The following NEUROD4 variants were observed in gnomAD, a reference collection of about 807,000 sequenced individuals.
NEUROD4 encodes the protein neurogenic differentiation factor 4.
In NEUROD4, 16 loss-of-function variants were observed where a neutral mutation model predicts 19.8. The ratio of observed to expected loss-of-function variants is 0.81; its 90% CI spans 0.55 to 1.23. The LOEUF (loss-of-function observed/expected upper bound fraction) is 1.23, where lower values mean the gene tolerates loss of function less well. Ranked by LOEUF, NEUROD4 falls within the 50% of genes most tolerant of loss-of-function variation. The probability of loss-of-function intolerance (pLI) is 0.00; values close to 1 mark genes in which losing one functional copy is unlikely to be tolerated. For missense variants in NEUROD4, 439 were observed against 398.6 expected (o/e 1.10, Z -0.86); for synonymous variants, 153 against 147.9 (o/e 1.03, Z -0.25).
chr12:55,027,280 C>T lies in NEUROD4; in HGVS notation c.841C>T (p.Pro281Ser). 1.2e-6 allele frequency: 2 copies of T among 1,614,096 alleles called. No individual in the cohort carries two copies. The highest frequency in any genetic ancestry group is 2.2e-5 in the East Asian group (1 of 44,854). Residue 281 changes from proline (P) to serine (S), a missense_variant, in exon 2 of 2, where the codon CCA becomes TCA. Transcript: ENST00000242994. ...CCTAGAAAAATCCTACAGCTTCATG[C>T]CACATTACCCTTCTTCAAGTCTAAG... ...PDLEKSYSFM[P>S]HYPSSSLSSG...
chr12:55,026,642 A>C lies in NEUROD4; in HGVS notation c.203A>C (p.Lys68Thr), dbSNP rs76064726. Residue 68 changes from lysine (K) to threonine (T), a missense_variant, in exon 2 of 2, where the codon AAG becomes ACG. By Grantham distance (78) the Lys-to-Thr change is moderately conservative (BLOSUM62 -1). Transcript: ENST00000242994. ...GAGGAAGAAGATGGGGAGAAACCTAAGAGAAGGGGTCCCAAGAAAAAGAAG... is the reference window on the plus strand; with the variant it reads ...GAGGAAGAAGATGGGGAGAAACCTACGAGAAGGGGTCCCAAGAAAAAGAAG... Reference protein sequence around the residue: ...EEEEEDGEKPKRRGPKKKKMT... With the variant: ...EEEEEDGEKPTRRGPKKKKMT... 133 of 1,613,978 alleles carry C rather than the reference A, an allele frequency of 8.2e-5. No homozygotes were observed. In the East Asian group the frequency reaches 2.8e-3, roughly 34 times the overall value.
At chr12:55,024,492 A>T (rs534072774) in intron 1 of NEUROD4, among the ~76,000 whole-genome samples, 12 of 152,290 alleles carry the variant, frequency 7.9e-5, no homozygotes, top group African/African-American at 2.9e-4. Flanking sequence ...AAACTTTAAA[A>T]TGCTACACAA....
chr12:55,027,579 C>A lies in NEUROD4; in HGVS notation c.*144C>A. The stretch of plus-strand genomic sequence containing the variant: ...CAAGTCCATTTAGGCTTTCCTTCAC[C>A]TATCACCTCTTTTCTCATCACCTTC... On this transcript the variant is annotated 3_prime_UTR_variant, in exon 2 of 2. Coordinates refer to ENST00000242994, the MANE Select transcript of NEUROD4 (RefSeq NM_021191.3). The A allele has an allele frequency of 2.7e-6, 2 of 744,648 alleles. No homozygotes were observed. Among genetic ancestry groups the A allele is most frequent in the East Asian group, 2.5e-5 (1 of 39,290 alleles). The allele number at this position is 744,648 out of a possible 1,614,324, so 46.1% of individuals were successfully genotyped here.
At chr12:55,025,597 T>C (rs1952719562) in intron 1 of NEUROD4, among the ~76,000 whole-genome samples, 1 of 152,218 alleles carries the variant, frequency 6.6e-6, no homozygotes, top group Non-Finnish European at 1.5e-5. Context: ...CCTTTCAAGA[T>C]GCCATGTCAC....
chr12:55,023,371 A>G (rs757640934), intron 1 of NEUROD4, among the ~76,000 whole-genome samples: 6 of 152,202 alleles, frequency 3.9e-5, no homozygotes, highest in Non-Finnish European at 5.9e-5. Context: ...ACGTGTGTGA[A>G]TAGATTAGAT....
chr12:55,022,560 T>C (rs1037010609), intron 1 of NEUROD4, among the ~76,000 whole-genome samples: 1 of 152,140 alleles, frequency 6.6e-6, no homozygotes, highest in Non-Finnish European at 1.5e-5. Context: ...AGCTCTGCCA[T>C]TTGGTTTTGG....
At chr12:55,025,375 C>CTAGTTCCAT (rs1952716980) in intron 1 of NEUROD4, among the ~76,000 whole-genome samples, 1 of 152,052 alleles carries the variant, frequency 6.6e-6, no homozygotes, top group African/African-American at 2.4e-5. Context: ...ACTAGTTCCA[C>CTAGTTCCAT]TAGTATTTGT....
rs1952769135 is a variant in NEUROD4 at position 55,029,407 on chromosome 12, G to A, written c.*1972G>A. 1 of 167,000 alleles carries A rather than the reference G, an allele frequency of 6.0e-6. No homozygotes were observed. Among genetic ancestry groups the A allele is most frequent in the Admixed American group, 6.5e-5 (1 of 15,286 alleles). The allele number at this position is 167,000 out of a possible 1,614,324, so 10.3% of individuals were successfully genotyped here. On this transcript the variant is annotated 3_prime_UTR_variant, in exon 2 of 2. Coordinates refer to ENST00000242994, the MANE Select transcript of NEUROD4 (RefSeq NM_021191.3). Reference sequence around the variant, plus strand: ...ACTGCACTTACCTTTGTGAGCGGCTGTAGGAGGGTCTATCCTCGAAGCTAG... The same window carrying A: ...ACTGCACTTACCTTTGTGAGCGGCTATAGGAGGGTCTATCCTCGAAGCTAG...
chr12:55,027,227 T>TC lies in NEUROD4; in HGVS notation c.789dup (p.Ser264LeufsTer9). 1 of 1,614,050 alleles carries TC rather than the reference T, an allele frequency of 6.2e-7. No homozygotes were observed. The highest frequency in any genetic ancestry group is 1.1e-5 in the South Asian group (1 of 91,072). Reference sequence around the variant, plus strand: ...CCACCCCTGAGCATCAGTGGGAACTTCTCCTTGAAGCAAGATGGGTCTCCT... The same window carrying TC: ...CCACCCCTGAGCATCAGTGGGAACTTCCTCCTTGAAGCAAGATGGGTCTCCT... On this transcript the variant is annotated frameshift_variant, in exon 2 of 2. Coordinates refer to ENST00000242994, the MANE Select transcript of NEUROD4 (RefSeq NM_021191.3). LOFTEE classifies it high-confidence loss of function.
At chr12:55,026,170 A>G (rs1020651668) in intron 1 of NEUROD4, among the ~76,000 whole-genome samples, 7 of 151,380 alleles carry the variant, frequency 4.6e-5, no homozygotes, top group Admixed American at 2.0e-4. Flanking sequence ...TCATTTTTGT[A>G]TAAAATATTC....
chr12:55,025,178 T>C (rs1190827618), intron 1 of NEUROD4, among the ~76,000 whole-genome samples: 1 of 152,242 alleles, frequency 6.6e-6, no homozygotes, highest in African/African-American at 2.4e-5. Flanking sequence ...ATTCAAACTC[T>C]TCCAGAATTG....
chr12:55,026,952 T>C lies in NEUROD4; in HGVS notation c.513T>C (p.Ala171=), dbSNP rs1162460589. The C allele has an allele frequency of 1.9e-6, 3 of 1,614,202 alleles. No individual in the cohort carries two copies. The Admixed American group carries it at 5.0e-5, about 27-fold the overall frequency. The part of the protein sequence containing the change: ...GLSQPTSNLV[A]GCLQLGPQSV... Reference sequence around the variant, plus strand: ...CTCAGCCCACAAGCAACCTGGTGGCTGGATGTCTCCAACTGGGCCCTCAGT... The same window carrying C: ...CTCAGCCCACAAGCAACCTGGTGGCCGGATGTCTCCAACTGGGCCCTCAGT... Residue 171 remains alanine, a synonymous_variant, in exon 2 of 2, where the codon GCT becomes GCC. Coordinates refer to ENST00000242994, the MANE Select transcript of NEUROD4 (RefSeq NM_021191.3).
Position 55,028,957 on chromosome 12 carries a change from G to A in NEUROD4, c.*1522G>A, listed in dbSNP as rs1448589418. 2 of 166,922 alleles carry A rather than the reference G, an allele frequency of 1.2e-5. No individual in the cohort carries two copies. The highest frequency in any genetic ancestry group is 2.9e-5 in the Non-Finnish European group (2 of 68,080). 10.3% of individuals were successfully genotyped at this position (166,922 alleles called of 1,614,324 possible). ...TCAATCAGCCAGGACAGTTATTTAA[G>A]TCAAACCAGAGCCTGAATGGCTTAT... On this transcript the variant is annotated 3_prime_UTR_variant, in exon 2 of 2. Coordinates refer to ENST00000242994, the MANE Select transcript of NEUROD4 (RefSeq NM_021191.3).
At position 55,024,818 on chromosome 12, in the gene NEUROD4, G is replaced by A. The variant is rs546144421; in HGVS notation, c.-9-1613G>A. Among the ~76,000 whole-genome samples the A allele has an allele frequency of 1.5e-4, 23 of 152,274 alleles. 2 individuals carry two copies. Among genetic ancestry groups the A allele is most frequent in the South Asian group, 4.1e-4 (2 of 4,828 alleles). On this transcript the variant is annotated intron_variant, in intron 1 of 1. Coordinates refer to ENST00000242994, the MANE Select transcript of NEUROD4 (RefSeq NM_021191.3). ...AGTAAGTCAAGCTGACATGATTTCC[G>A]TGCTGATTAACATGAAACCTAGGCT...
rs1315970214 is a variant in NEUROD4 at position 55,026,554 on chromosome 12, G to T, written c.115G>T (p.Gly39Cys). ...NEVKEEESRP[G>C]TYGMLSSLTE... ...GGTGAAGGAGGAAGAGAGCAGACCA[G>T]GTACTTATGGGATGCTCAGCAGCTT... The change falls in exon 2 of 2, where the codon GGT becomes TGT. Residue 39 changes from glycine (G) to cysteine (C), a missense_variant. Transcript: ENST00000242994. The T allele has an allele frequency of 6.2e-7, 1 of 1,614,002 alleles. No homozygotes were observed.
rs1592455874 is a variant in NEUROD4, at chr12:55,027,792, T to C, written c.*357T>C. On this transcript the variant is annotated 3_prime_UTR_variant, in exon 2 of 2. Transcript: ENST00000242994. Reference sequence around the variant, plus strand: ...TTACTAGCAATTGTAAATAAACAAATTGTATTTATATGAGGCAACTATTCT... The same window carrying C: ...TTACTAGCAATTGTAAATAAACAAACTGTATTTATATGAGGCAACTATTCT... The C allele has an allele frequency of 4.8e-6, 1 of 209,690 alleles. No homozygotes were observed. Among genetic ancestry groups the C allele is most frequent in the Admixed American group, 5.6e-5 (1 of 17,736 alleles). 13.0% of individuals were successfully genotyped at this position (209,690 alleles called of 1,614,324 possible).
rs1337499885 is a variant in NEUROD4, at chr12:55,029,459, T to A, written c.*2024T>A. 1 of 167,072 alleles carries A rather than the reference T, an allele frequency of 6.0e-6. No homozygotes were observed. Among genetic ancestry groups the A allele is most frequent in the African/African-American group, 2.4e-5 (1 of 41,476 alleles). 10.3% of individuals were successfully genotyped at this position (167,072 alleles called of 1,614,324 possible). A position where few individuals can be genotyped will look rare whatever the true frequency, so the allele number is the denominator to read the frequency against. On this transcript the variant is annotated 3_prime_UTR_variant, in exon 2 of 2. Transcript: ENST00000242994. ...ATTTTCTGGCATTTAAGTTTGTAGA[T>A]AATCACTGTTGTTTGAGTTATTTAT...
rs1298634272 is a variant in NEUROD4 at position 55,020,246 on chromosome 12, T to C, written c.-77T>C. 1 of 152,250 alleles carries C rather than the reference T, an allele frequency of 6.6e-6. No homozygotes were observed. The highest frequency in any genetic ancestry group is 1.5e-5 in the Non-Finnish European group (1 of 68,078). 9.4% of individuals were successfully genotyped at this position (152,250 alleles called of 1,614,324 possible). ...TACCATCTGGATGGTCAGGGAGACT[T>C]GGCTTCTCTGACTGTCCTCTAAGAC... On this transcript the variant is annotated 5_prime_UTR_variant, in exon 1 of 2. Coordinates refer to ENST00000242994, the MANE Select transcript of NEUROD4 (RefSeq NM_021191.3).
In NEUROD4 at chr12:55,020,189, G is replaced by C. The variant is rs1386070632; in HGVS notation, c.-134G>C. The stretch of plus-strand genomic sequence containing the variant: ...TGGAATCTCTAAGAGGTAACAACCG[G>C]GTTTGACATGGATCGCTGAAAGCGT... On this transcript the variant is annotated 5_prime_UTR_variant, in exon 1 of 2. Transcript: ENST00000242994. The C allele has an allele frequency of 1.3e-5, 2 of 150,004 alleles. No homozygotes were observed. The highest frequency in any genetic ancestry group is 2.9e-5 in the Non-Finnish European group (2 of 67,946). 9.3% of individuals were successfully genotyped at this position (150,004 alleles called of 1,614,324 possible).
Sources: gnomAD v4.1 joint callset for allele counts (sites outside exome capture counted in the v4.1 genomes callset) on GRCh38, gnomAD v4.1.1 for gene constraint, MANE v1.5 for transcripts, NCBI Gene and HGNC (gene_info 2026-07-23, HGNC 2026-07-21) for gene names.